Variants in FADS3 observed in about 807,000 individuals in gnomAD.
FADS3 encodes the protein fatty acid desaturase 3.
A neutral mutation model predicts 60.4 loss-of-function variants in FADS3; 30 were observed. The observed-to-expected ratio is 0.50, with a 90% CI of 0.37 to 0.67. The LOEUF (loss-of-function observed/expected upper bound fraction) is 0.67, where lower values mean the gene tolerates loss of function less well. FADS3 is among the 30% of genes least tolerant of loss of function. FADS3 has a pLI of 0.00. For synonymous variants in FADS3, 234 were observed against 249.3 expected, an observed-to-expected ratio of 0.94 and a Z score of 0.58; for missense variants, 432 against 598.3, an observed-to-expected ratio of 0.72 and a Z score of 2.90.
chr11:61,882,690 A>G (rs536545644), intron 1 of FADS3, among the ~76,000 whole-genome samples: 1 of 152,068 alleles, frequency 6.6e-6, no homozygotes, highest in African/African-American at 2.4e-5. Flanking sequence ...CAAAGTGTTG[A>G]GAGTACAGGT....
chr11:61,878,363 G>T, intron 5 of FADS3, 148 bp from the exon 6 acceptor site: 1 of 1,381,188 alleles, frequency 7.2e-7, no homozygotes, highest in East Asian at 2.3e-5. Context: ...GTTGGGAGGT[G>T]GGAAGGAAAG....
chr11:61,891,006 T>G (rs761524794), intron 1 of FADS3, among the ~76,000 whole-genome samples, 163 bp downstream of exon 1: 3 of 152,130 alleles, frequency 2.0e-5, no homozygotes, highest in Non-Finnish European at 2.9e-5. Flanking sequence ...ACCCCACATC[T>G]GGCCCTGGCT....
In FADS3 at chr11:61,877,817, T is replaced by C. The variant is rs1937965095; in HGVS notation, c.809-230A>G. The C allele has an allele frequency of 5.0e-6, 3 of 598,392 alleles. No individual in the cohort carries two copies. The African/African-American group carries it at 5.6e-5, about 11-fold the overall frequency. 37.1% of individuals were successfully genotyped at this position (598,392 alleles called of 1,614,324 possible). On this transcript the variant is annotated intron_variant, in intron 6 of 11. Coordinates refer to ENST00000278829, the MANE Select transcript of FADS3 (RefSeq NM_021727.5). The surrounding 1 kb of genome is among the most constrained non-coding windows in gnomAD (Gnocchi z 4.7). ...ACCGCAAGTCAGGGCCAGACTTGAG[T>C]CCTCACTCTGTCCGCCCCAACAACT...
chr11:61,878,277 A>G, intron 5 of FADS3, 62 bp from the exon 6 acceptor site: 1 of 1,555,972 alleles, frequency 6.4e-7, no homozygotes, highest in Non-Finnish European at 8.9e-7. Flanking sequence ...CTCCCGGGCA[A>G]GGTCACGGGG....
At chr11:61,885,262 G>A (rs778711372) in intron 1 of FADS3, among the ~76,000 whole-genome samples, 1 of 152,102 alleles carries the variant, frequency 6.6e-6, no homozygotes, top group Non-Finnish European at 1.5e-5. Flanking sequence ...GAGCCAGCCT[G>A]CCCAGGATGG....
Position 61,878,764 on chromosome 11 carries a change from G to A in FADS3, c.606C>T (p.Phe202=), listed in dbSNP as rs115282539. 6.4e-5 allele frequency: 104 copies of A among 1,614,056 alleles called. 1 individual carries two copies. In the African/African-American group the frequency reaches 8.3e-4, roughly 13 times the overall value. The change falls in exon 4 of 12, where the codon TTC becomes TTT. Residue 202 remains phenylalanine, a synonymous_variant. Transcript: ENST00000278829. ...KSWWNHVAQK[F]VMGQLKGFSA... is the part of the protein sequence containing the mutation. ...CCCTCACCTTTAGCTGCCCCATCAC[G>A]AACTTCTGGGCCACGTGGTTCCACC...
At chr11:61,879,858 G>A (rs1200714774) in intron 2 of FADS3, among the ~76,000 whole-genome samples, 183 bp downstream of exon 2, 2 of 152,250 alleles carry the variant, frequency 1.3e-5, no homozygotes, top group Admixed American at 6.5e-5. Flanking sequence ...ACTTCTCAGG[G>A]CATCCCTACA....
intron 1 of FADS3, chr11:61,882,472 T>C (rs1938171694): frequency 6.6e-6 from 1 of 151,694 alleles, no homozygotes; most frequent in East Asian, 1.9e-4. Flanking sequence ...CAGGCTGGAG[T>C]GCAGTGATGC....
At position 61,875,663 on chromosome 11, in the gene FADS3, G is replaced by T. The variant is rs183065456; in HGVS notation, c.1286+188C>A. ...CTGCTCACCGCAGGCACTGCTGTTT[G>T]TGAGTCTGCAGTAGGTGCTCCAGAA... On this transcript the variant is annotated intron_variant, in intron 11 of 11. Transcript: ENST00000278829. Among the ~76,000 whole-genome samples the T allele has an allele frequency of 1.8e-3, 273 of 152,320 alleles. 2 individuals are homozygous for T. Among genetic ancestry groups the T allele is most frequent in the Non-Finnish European group, 2.3e-3 (155 of 68,026 alleles).
At chr11:61,879,222 C>T in intron 3 of FADS3, 90 bp downstream of exon 3, 4 of 1,165,380 alleles carry the variant, frequency 3.4e-6, no homozygotes, top group Non-Finnish European at 5.0e-6. Context: ...TCCATTCATT[C>T]ATTTAGCAAA....
intron 11 of FADS3, 97 bp downstream of exon 11, chr11:61,875,754 A>T: frequency 6.8e-7 from 1 of 1,465,208 alleles, no homozygotes; most frequent in Admixed American, 1.9e-5. Flanking sequence ...AGAAAGGCTC[A>T]GGGACCCTGG....
Position 61,876,928 on chromosome 11 carries a change from G to A in FADS3, c.921C>T (p.Phe307=), listed in dbSNP as rs1458293542. ...LLWAASFYAR[F]FLSYLPFYGV... is the part of the protein sequence containing the mutation. Reference sequence around the variant, plus strand: ...CGTAGAAGGGGAGGTAGGATAAGAAGAAGCGGGCATAGAAGCTGGCGGCCC... The same window carrying A: ...CGTAGAAGGGGAGGTAGGATAAGAAAAAGCGGGCATAGAAGCTGGCGGCCC... The change falls in exon 8 of 12, where the codon TTC becomes TTT. Residue 307 remains phenylalanine (F), a synonymous_variant. Coordinates refer to ENST00000278829, the MANE Select transcript of FADS3 (RefSeq NM_021727.5). This position sits in a 1 kb window ranked among gnomAD's most constrained non-coding sequence, Gnocchi z 5.7. 1 of 1,609,464 alleles carries A rather than the reference G, an allele frequency of 6.2e-7. No individual in the cohort carries two copies. The highest frequency in any genetic ancestry group is 8.5e-7 in the Non-Finnish European group (1 of 1,178,604).
chr11:61,877,434 G>A lies in FADS3; in HGVS notation c.885+77C>T. 1 of 1,383,834 alleles carries A rather than the reference G, an allele frequency of 7.2e-7. No individual in the cohort carries two copies. The highest frequency in any genetic ancestry group is 2.3e-5 in the East Asian group (1 of 43,810). 85.7% of individuals were successfully genotyped at this position (1,383,834 alleles called of 1,614,324 possible). ...ACATGTGCACCCTGTTTGCCTTCAT[G>A]GGCAGGTACTGTCCCCCGAGGCACC... On this transcript the variant is annotated intron_variant, in intron 7 of 11. Transcript: ENST00000278829. The surrounding 1 kb of genome is among the most constrained non-coding windows in gnomAD (Gnocchi z 4.7).
At chr11:61,890,196 G>A (rs572183718) in intron 1 of FADS3, 3 of 152,184 alleles carry the variant, frequency 2.0e-5, no homozygotes, top group South Asian at 2.1e-4. Flanking sequence ...GGGTGGAAGG[G>A]GAAAAGAGGG....
chr11:61,885,342 C>T (rs557446385), intron 1 of FADS3, among the ~76,000 whole-genome samples: 2 of 152,334 alleles, frequency 1.3e-5, no homozygotes, highest in South Asian at 4.1e-4. Context: ...CAGTATTTCT[C>T]ATCAGTAAAC....
At chr11:61,880,605 G>A (rs1317039788) in intron 1 of FADS3, 1 of 154,316 alleles carries the variant, frequency 6.5e-6, no homozygotes, top group Non-Finnish European at 1.4e-5. Context: ...AGGGTAGGTG[G>A]GAAAACCTGG....
chr11:61,873,776 G>C lies in FADS3; in HGVS notation c.*38C>G, dbSNP rs1318816395. 2.5e-6 allele frequency: 4 copies of C among 1,576,306 alleles called. No individual in the cohort carries two copies. The highest frequency in any genetic ancestry group is 3.5e-6 in the Non-Finnish European group (4 of 1,153,650). Reference sequence around the variant, plus strand: ...CCGCCGGGGGCTGGCTTGGTTGCTGGTGCCCTGAGCCCTTCTCTGCCCGCC... The same window carrying C: ...CCGCCGGGGGCTGGCTTGGTTGCTGCTGCCCTGAGCCCTTCTCTGCCCGCC... On this transcript the variant is annotated 3_prime_UTR_variant, in exon 12 of 12. Coordinates refer to ENST00000278829, the MANE Select transcript of FADS3 (RefSeq NM_021727.5).
At chr11:61,880,469 A>T (rs1263349755) in intron 1 of FADS3, 2 of 203,810 alleles carry the variant, frequency 9.8e-6, no homozygotes, top group Admixed American at 1.2e-4. Flanking sequence ...TGATTTCTTG[A>T]ACCACGAAAA....
At chr11:61,882,123 T>C (rs1938157475) in intron 1 of FADS3, 2 of 142,244 alleles carry the variant, frequency 1.4e-5, no homozygotes, top group Admixed American at 1.4e-4. Context: ...TTTTTTTTTT[T>C]TTTTTGAGAT....
Sources: allele counts gnomAD v4.1 joint callset (sites outside exome capture counted in the v4.1 genomes callset), GRCh38; gene constraint gnomAD v4.1.1; non-coding constraint Gnocchi (gnomAD v3.1); transcripts MANE v1.5; gene names NCBI Gene and HGNC (gene_info 2026-07-23, HGNC 2026-07-21).